The following SLC9D1 variants were observed in gnomAD, a reference collection of about 807,000 sequenced individuals.
SLC9D1 encodes the protein solute carrier family 9 member D1, also known as putative LAG1-interacting protein.
chr13:113,539,381 A>G, the SLC9D1 span: 1 of 1,613,306 alleles, frequency 6.2e-7, no homozygotes, highest in East Asian at 2.2e-5. This position sits in a 1 kb window ranked among gnomAD's most constrained non-coding sequence, Gnocchi z 4.8. Context: ...GGACGTCTCC[A>G]TGGAGCTGGG....
At chr13:113,498,509 C>T in the SLC9D1 span, 60 of 1,584,900 alleles carry the variant, frequency 3.8e-5, no homozygotes, top group South Asian at 4.4e-4. Context: ...ATGCTTTTGA[C>T]GACAATAAAT....
At chr13:113,535,240 T>C in the SLC9D1 span, 1 of 152,250 alleles carries the variant, frequency 6.6e-6, no homozygotes, top group South Asian at 2.1e-4. This position sits in a 1 kb window ranked among gnomAD's most constrained non-coding sequence, Gnocchi z 4.1. Context: ...ATTAACTGTA[T>C]AAGTTCTGCC....
At chr13:113,538,859 C>T in the SLC9D1 span, among the ~76,000 whole-genome samples, 4 of 152,234 alleles carry the variant, frequency 2.6e-5, no homozygotes, top group South Asian at 2.1e-4. Flanking sequence ...CCGGCCGGCG[C>T]GCTGATGTGG....
the SLC9D1 span, among the ~76,000 whole-genome samples, chr13:113,519,669 ATTT>A: frequency 6.6e-6 from 1 of 150,718 alleles, no homozygotes; most frequent in Non-Finnish European, 1.5e-5. Context: ...CGTCTGCACC[ATTT>A]GGACACCAAG....
At chr13:113,525,800 C>A in the SLC9D1 span, among the ~76,000 whole-genome samples, 3,337 of 148,056 alleles carry the variant, frequency 0.023, 60 homozygotes, top group East Asian at 0.11. Context: ...TATTCTAGAA[C>A]AAGCCATCGT....
the SLC9D1 span, chr13:113,498,633 C>T: frequency 1.2e-6 from 1 of 830,452 alleles, no homozygotes; most frequent in Non-Finnish European, 1.8e-6. Context: ...AAAATGAAGA[C>T]AAACTAAAAT....
At chr13:113,515,890 CAAAAAAAAAAAA>C in the SLC9D1 span, among the ~76,000 whole-genome samples, 2 of 79,066 alleles carry the variant, frequency 2.5e-5, no homozygotes, top group Non-Finnish European at 4.7e-5. Context: ...GACTCCGTCC[CAAAAAAAAAAAA>C]AAAAAAAAAA....
chr13:113,549,915 T>A, the SLC9D1 span: 1 of 497,580 alleles, frequency 2.0e-6, no homozygotes, highest in Non-Finnish European at 3.5e-6. Flanking sequence ...TTTAAAAATG[T>A]ACAACTTCAG....
the SLC9D1 span, among the ~76,000 whole-genome samples, chr13:113,516,110 A>G: frequency 6.6e-6 from 1 of 152,158 alleles, no homozygotes; most frequent in East Asian, 1.9e-4. Flanking sequence ...ATTGAAAGGT[A>G]TGGTTAAGAG....
At chr13:113,498,510 G>A in the SLC9D1 span, 3 of 1,585,880 alleles carry the variant, frequency 1.9e-6, no homozygotes, top group South Asian at 1.2e-5. Flanking sequence ...TGCTTTTGAC[G>A]ACAATAAATC....
the SLC9D1 span, among the ~76,000 whole-genome samples, chr13:113,491,719 G>GACTCGGGGCCTCCAGGGCCGGCCGC: frequency 6.6e-6 from 1 of 152,174 alleles, no homozygotes; most frequent in African/African-American, 2.4e-5. Flanking sequence ...CGCCCGGGTG[G>GACTCGGGGCCTCCAGGGCCGGCCGC]ACTCGGGGCC....
At chr13:113,494,944 C>T in the SLC9D1 span, among the ~76,000 whole-genome samples, 1 of 151,944 alleles carries the variant, frequency 6.6e-6, no homozygotes. Flanking sequence ...AGTACAATGG[C>T]GTGATCTGGG....
chr13:113,514,524 C>T, the SLC9D1 span: 2 of 134,678 alleles, frequency 1.5e-5, no homozygotes, highest in Non-Finnish European at 1.5e-5. Context: ...TGTTTTAGAC[C>T]GAGTCTTGCA....
the SLC9D1 span, among the ~76,000 whole-genome samples, chr13:113,493,706 G>GT: frequency 6.6e-6 from 1 of 152,160 alleles, no homozygotes; most frequent in African/African-American, 2.4e-5. Flanking sequence ...CTCCTTTTGG[G>GT]AGTCAGTCTC....
At chr13:113,541,143 C>T in the SLC9D1 span, among the ~76,000 whole-genome samples, 1 of 152,162 alleles carries the variant, frequency 6.6e-6, no homozygotes, top group Non-Finnish European at 1.5e-5. Flanking sequence ...AGGTGGCCTC[C>T]GGTGCCTCCA....
At chr13:113,513,203 G>A in the SLC9D1 span, among the ~76,000 whole-genome samples, 6 of 152,162 alleles carry the variant, frequency 3.9e-5, no homozygotes, top group Non-Finnish European at 7.4e-5. Flanking sequence ...GGGAGATAGC[G>A]GATAGGTAAC....
At chr13:113,539,568 ATATGT>A in the SLC9D1 span, 1 of 1,557,588 alleles carries the variant, frequency 6.4e-7, no homozygotes, top group African/African-American at 1.4e-5. The surrounding 1 kb of genome is among the most constrained non-coding windows in gnomAD (Gnocchi z 4.8). Flanking sequence ...TGGTTCTGTA[ATATGT>A]TTACGTGCAT....
chr13:113,515,247 C>G, the SLC9D1 span, among the ~76,000 whole-genome samples: 1 of 152,132 alleles, frequency 6.6e-6, no homozygotes, highest in East Asian at 1.9e-4. Flanking sequence ...CAGTAACATG[C>G]TGGACAGTTA....
chr13:113,549,146 C>T, the SLC9D1 span, among the ~76,000 whole-genome samples: 1 of 152,186 alleles, frequency 6.6e-6, no homozygotes, highest in East Asian at 1.9e-4. Context: ...ATCCCAATGT[C>T]CTCAGCTTCT....
Sources: allele counts gnomAD v4.1 joint callset (sites outside exome capture counted in the v4.1 genomes callset), GRCh38; gene constraint gnomAD v4.1.1; non-coding constraint Gnocchi (gnomAD v3.1); transcripts MANE v1.5; gene names NCBI Gene and HGNC (gene_info 2026-07-23, HGNC 2026-07-21).